PRR12: variants seen among roughly 807,000 people sequenced by gnomAD.
The protein encoded by PRR12 is proline-rich protein 12.
In PRR12, 12 loss-of-function variants were observed where a neutral mutation model predicts 138.0. The observed-to-expected ratio is 0.09, with a 90% CI of 0.06 to 0.14. PRR12 has a LOEUF of 0.14. Among genes scored for constraint, PRR12 ranks in the 10% least tolerant of loss-of-function variants. The pLI is 1.00. For missense variants in PRR12, 2,692 were observed against 2,861.3 expected (o/e 0.94, Z 1.35); for synonymous variants, 1,567 against 1,291.7 (o/e 1.21, Z -4.57).
intron 2 of PRR12, 44 bp downstream of exon 2, chr19:49,593,483 C>T (rs1362912030): frequency 4.7e-6 from 4 of 857,672 alleles, no homozygotes; most frequent in South Asian, 1.4e-5. Context: ...CCCTCCCCCT[C>T]CCCCCGAGGC....
intron 6 of PRR12, among the ~76,000 whole-genome samples, chr19:49,605,970 T>C (rs1232106510): frequency 6.6e-6 from 1 of 152,264 alleles, no homozygotes; most frequent in Non-Finnish European, 1.5e-5. Context: ...TTAACCTGAC[T>C]GACTCAAATC....
rs562557158 is a variant in PRR12, at chr19:49,595,091, C to T, written c.756C>T (p.Ser252=). ...AGTTCAACCTGCTGGCTTCCTCTTC[C>T]GCTGCCGCCGCCGCTGCCGAGCAGT... ...PTQFNLLASS[S]AAAAAAEQSS... is the part of the protein sequence containing the mutation. Residue 252 remains serine, a synonymous_variant, in exon 4 of 14, where the codon TCC becomes TCT. Coordinates refer to ENST00000418929, the MANE Select transcript of PRR12 (RefSeq NM_020719.3). 135 of 1,611,580 alleles carry T rather than the reference C, an allele frequency of 8.4e-5. No individual in the cohort carries two copies. The South Asian group carries it at 9.0e-4, about 11-fold the overall frequency.
In PRR12 at chr19:49,596,843, T is replaced by TGCCCCCCC; in HGVS notation, c.2508_2509insGCCCCCCC (p.Pro837AlafsTer66). On this transcript the variant is annotated frameshift_variant, in exon 4 of 14. Transcript: ENST00000418929. LOFTEE classifies it high-confidence loss of function. This position sits in a 1 kb window ranked among gnomAD's most constrained non-coding sequence, Gnocchi z 5.6. ...CCCGCGATGGGGCACCCCAGCCACCTCCACCGCCACCCCCGCCTCCACCAC... is the reference window on the plus strand; with the variant it reads ...CCCGCGATGGGGCACCCCAGCCACCTGCCCCCCCCCACCGCCACCCCCGCCTCCACCAC... The TGCCCCCCC allele has an allele frequency of 6.5e-7, 1 of 1,546,752 alleles. No individual in the cohort carries two copies. The highest frequency in any genetic ancestry group is 8.7e-7 in the Non-Finnish European group (1 of 1,148,746).
intron 9 of PRR12, among the ~76,000 whole-genome samples, chr19:49,619,567 G>GT (rs2080910771): frequency 8.7e-6 from 1 of 115,536 alleles, no homozygotes; most frequent in African/African-American, 3.5e-5. Flanking sequence ...TTGAGACGGA[G>GT]TTTCGCTCTT....
At position 49,623,278 on chromosome 19, in the gene PRR12, G is replaced by T. The variant is rs552644463; in HGVS notation, c.5722-1566G>T. On this transcript the variant is annotated intron_variant, in intron 11 of 13. Transcript: ENST00000418929. ...TTACACTAGGGTAGATAATCCCAGT[G>T]TAGGATATTAGAGTAGGTCTGAGAA... Among the ~76,000 whole-genome samples the T allele has an allele frequency of 3.0e-3, 461 of 152,270 alleles. 3 individuals carry two copies. The highest frequency in any genetic ancestry group is 0.011 in the African/African-American group (443 of 41,546).
intron 9 of PRR12, among the ~76,000 whole-genome samples, chr19:49,617,456 C>T (rs931965873): frequency 2.0e-5 from 3 of 152,016 alleles, no homozygotes; most frequent in Admixed American, 6.6e-5. Flanking sequence ...AGTGAGACCC[C>T]GTCTCTACGA....
At position 49,594,551 on chromosome 19, in the gene PRR12, C is replaced by T. The variant is rs2080751279; in HGVS notation, c.297C>T (p.Gly99=). 25 of 1,612,638 alleles carry T rather than the reference C, an allele frequency of 1.6e-5. No homozygotes were observed. Among genetic ancestry groups the T allele is most frequent in the Non-Finnish European group, 2.0e-5 (23 of 1,179,316 alleles). ...MNLISALESR[G]PQPGPSASSL... ...TTATCTCGGCCCTGGAATCCCGGGG[C>T]CCCCAGCCTGGCCCCTCCGCCTCCT... Residue 99 remains glycine (G), a synonymous_variant, in exon 3 of 14, where the codon GGC becomes GGT. Transcript: ENST00000418929. This position sits in a 1 kb window ranked among gnomAD's most constrained non-coding sequence, Gnocchi z 5.6.
chr19:49,610,838 C>T (rs376158639), intron 6 of PRR12, among the ~76,000 whole-genome samples: 3 of 150,528 alleles, frequency 2.0e-5, no homozygotes, highest in Non-Finnish European at 4.4e-5. Context: ...CCACTGCGCC[C>T]GGCCTTTTTT....
intron 6 of PRR12, among the ~76,000 whole-genome samples, chr19:49,611,696 G>A (rs1413558196): frequency 2.0e-5 from 3 of 149,918 alleles, no homozygotes; most frequent in Admixed American, 2.0e-4. Flanking sequence ...GGCAGAGGCG[G>A]GCGGATCATG....
chr19:49,601,807 G>A lies in PRR12; in HGVS notation c.4662G>A (p.Thr1554=), dbSNP rs545953856. ...TGCATCTGGCCAAAAAGCAGGAGACGGCGGCAGTGTGTGGGGAGACGGACG... is the reference window on the plus strand; with the variant it reads ...TGCATCTGGCCAAAAAGCAGGAGACAGCGGCAGTGTGTGGGGAGACGGACG... ...RPLHLAKKQE[T]AAVCGETDEE... The change falls in exon 6 of 14, where the codon ACG becomes ACA. Residue 1554 remains threonine (T), a synonymous_variant. Coordinates refer to ENST00000418929, the MANE Select transcript of PRR12 (RefSeq NM_020719.3). The A allele has an allele frequency of 9.3e-6, 15 of 1,612,072 alleles. No individual in the cohort carries two copies. The South Asian group carries it at 1.2e-4, about 13-fold the overall frequency.
Position 49,614,694 on chromosome 19 carries a change from G to A in PRR12, c.4890+45G>A. The A allele has an allele frequency of 1.3e-6, 2 of 1,515,216 alleles. No individual in the cohort carries two copies. The highest frequency in any genetic ancestry group is 1.8e-6 in the Non-Finnish European group (2 of 1,116,876). The allele number at this position is 1,515,216 out of a possible 1,614,324, so 93.9% of individuals were successfully genotyped here. A position where few individuals can be genotyped will look rare whatever the true frequency, so the allele number is the denominator to read the frequency against. The stretch of plus-strand genomic sequence containing the variant: ...CAAGGACTTGGGGGCCCCGGGGCGT[G>A]GTATCTAGGAGCTGGGGTTCCCCTT... On this transcript the variant is annotated intron_variant, in intron 7 of 13. Transcript: ENST00000418929. This position sits in a 1 kb window ranked among gnomAD's most constrained non-coding sequence, Gnocchi z 5.0.
intron 9 of PRR12, among the ~76,000 whole-genome samples, chr19:49,617,321 G>A (rs1432660834): frequency 1.3e-5 from 2 of 152,202 alleles, no homozygotes; most frequent in Non-Finnish European, 2.9e-5. Flanking sequence ...TAGCTTGGTA[G>A]AATTATCCTC....
intron 6 of PRR12, among the ~76,000 whole-genome samples, chr19:49,607,768 C>T (rs1298841874): frequency 1.3e-5 from 2 of 151,642 alleles, no homozygotes; most frequent in East Asian, 3.9e-4. Context: ...CCTGTAATCG[C>T]AGCACTTTGG....
chr19:49,607,987 C>G (rs1429746299), intron 6 of PRR12, among the ~76,000 whole-genome samples: 1 of 152,076 alleles, frequency 6.6e-6, no homozygotes, highest in Non-Finnish European at 1.5e-5. Context: ...CCATTGCACT[C>G]AAGCCTGGGC....
At chr19:49,621,778 T>G (rs2080924867) in intron 11 of PRR12, 156 bp downstream of exon 11, 1 of 630,544 alleles carries the variant, frequency 1.6e-6, no homozygotes, top group Non-Finnish European at 2.8e-6. Context: ...TGTCAGGAGA[T>G]CTCTGGGTTC....
chr19:49,612,024 A>C (rs1312641696), intron 6 of PRR12, among the ~76,000 whole-genome samples: 1 of 151,656 alleles, frequency 6.6e-6, no homozygotes, highest in African/African-American at 2.4e-5. Flanking sequence ...TGAGGTCAAG[A>C]GATCGAGACC....
chr19:49,600,042 AC>A, intron 5 of PRR12, 104 bp downstream of exon 5: 5 of 1,206,276 alleles, frequency 4.1e-6, no homozygotes, highest in Non-Finnish European at 4.5e-6. Context: ...CCATTCACAT[AC>A]ATGGTGTAAG....
At chr19:49,608,956 C>T (rs1458526830) in intron 6 of PRR12, among the ~76,000 whole-genome samples, 2 of 152,154 alleles carry the variant, frequency 1.3e-5, no homozygotes, top group African/African-American at 4.8e-5. Context: ...CGTCTGTCAA[C>T]TGGGACTGTT....
At chr19:49,615,290 A>G (rs2080885968) in intron 8 of PRR12, among the ~76,000 whole-genome samples, 3 of 149,956 alleles carry the variant, frequency 2.0e-5, no homozygotes, top group African/African-American at 7.4e-5. Context: ...GGAGACGGAG[A>G]CTCAGAAGGA....
Sources: gnomAD v4.1 joint callset for allele counts (sites outside exome capture counted in the v4.1 genomes callset) on GRCh38, gnomAD v4.1.1 for gene constraint, Gnocchi (gnomAD v3.1) non-coding constraint, MANE v1.5 for transcripts, NCBI Gene and HGNC (gene_info 2026-07-23, HGNC 2026-07-21) for gene names.